Variants in MAP3K5 observed in about 807,000 individuals in gnomAD.
MAP3K5 encodes ASK-1.
MAP3K5 carries 56 observed loss-of-function variants against 158.7 expected under a neutral mutation model. The observed-to-expected ratio is 0.35, with a 90% CI of 0.28 to 0.44. MAP3K5 has a LOEUF of 0.44. Among genes scored for constraint, MAP3K5 ranks in the 20% least tolerant of loss-of-function variants. MAP3K5 has a pLI of 1.00. For synonymous variants in MAP3K5, 579 were observed against 601.7 expected (o/e 0.96, Z 0.55); for missense variants, 1,294 against 1,674.8 (o/e 0.77, Z 3.97).
chr6:136,614,166 G>T lies in MAP3K5; in HGVS notation c.2271C>A (p.Val757=). ...GAAAGAAATATCTCTTACCTCCAGG[G>T]ACCTGCTCCATGAAGATTTTAATGA... ...NGFIKIFMEQ[V]PGGSLSALLR... Residue 757 remains valine (V), a synonymous_variant, in exon 16 of 30, where the codon GTC becomes GTA. Coordinates refer to ENST00000359015, the MANE Select transcript of MAP3K5 (RefSeq NM_005923.4). 1 of 1,613,180 alleles carries T rather than the reference G, an allele frequency of 6.2e-7. No homozygotes were observed. The highest frequency in any genetic ancestry group is 8.5e-7 in the Non-Finnish European group (1 of 1,179,540).
At chr6:136,632,481 C>T (rs1777417737) in intron 14 of MAP3K5, among the ~76,000 whole-genome samples, 1 of 152,158 alleles carries the variant, frequency 6.6e-6, no homozygotes, top group Admixed American at 6.5e-5. Context: ...TGCGCCACTG[C>T]TCTCCCACCT....
chr6:136,671,521 C>T (rs969195355), intron 7 of MAP3K5, among the ~76,000 whole-genome samples: 5 of 152,120 alleles, frequency 3.3e-5, no homozygotes, highest in African/African-American at 4.8e-5. Context: ...ATTAGTATAC[C>T]ACTGCAGGAA....
chr6:136,639,717 T>A, intron 12 of MAP3K5, 79 bp from the exon 13 acceptor site: 1 of 681,360 alleles, frequency 1.5e-6, no homozygotes, highest in Non-Finnish European at 2.5e-6. Flanking sequence ...AGAAATGTTT[T>A]AAATTCAATC....
chr6:136,612,764 A>G (rs148503507), intron 17 of MAP3K5, among the ~76,000 whole-genome samples: 14 of 152,072 alleles, frequency 9.2e-5, no homozygotes, highest in Non-Finnish European at 1.9e-4. Flanking sequence ...AGTAGCTACT[A>G]TGGGCAAGGA....
chr6:136,747,335 T>C (rs1302421652), intron 1 of MAP3K5, among the ~76,000 whole-genome samples: 1 of 152,204 alleles, frequency 6.6e-6, no homozygotes, highest in Non-Finnish European at 1.5e-5. Flanking sequence ...GGTTACAACA[T>C]CTCTGGTCCC....
chr6:136,642,365 G>A (rs556285262), intron 12 of MAP3K5, among the ~76,000 whole-genome samples, 155 bp downstream of exon 12: 2 of 152,274 alleles, frequency 1.3e-5, no homozygotes, highest in African/African-American at 4.8e-5. Flanking sequence ...CTTCCTAAAG[G>A]AGATAGTGAC....
intron 2 of MAP3K5, among the ~76,000 whole-genome samples, chr6:136,706,345 A>G (rs763254610): frequency 3.3e-5 from 5 of 152,174 alleles, no homozygotes; most frequent in Admixed American, 6.5e-5. Flanking sequence ...GATCATACAA[A>G]TAATATAGCT....
At chr6:136,736,674 T>A (rs550327388) in intron 1 of MAP3K5, among the ~76,000 whole-genome samples, 74 of 152,230 alleles carry the variant, frequency 4.9e-4, no homozygotes, top group African/African-American at 1.8e-3. Flanking sequence ...GTAAAGGAAT[T>A]CGCATACTCT....
At chr6:136,765,267 T>C (rs557935108) in intron 1 of MAP3K5, among the ~76,000 whole-genome samples, 1 of 152,304 alleles carries the variant, frequency 6.6e-6, no homozygotes, top group South Asian at 2.1e-4. Context: ...CTCATTTAAC[T>C]TTCTCAATAA....
rs150366518 is a variant in MAP3K5 at position 136,784,021 on chromosome 6, T to G, written c.448+7689A>C. 6.8e-3 allele frequency among the ~76,000 whole-genome samples: 1,031 copies of G among 152,308 alleles called. 34 individuals are homozygous for G. The highest frequency in any genetic ancestry group is 0.062 in the Admixed American group (945 of 15,296). On this transcript the variant is annotated intron_variant, in intron 1 of 29. Coordinates refer to ENST00000359015, the MANE Select transcript of MAP3K5 (RefSeq NM_005923.4). ...AACAGGAAGTAGGGCACAGTTCTTA[T>G]AGCCACCAGAGGGGAACTGCCCTAT...
chr6:136,694,263 G>T lies in MAP3K5; in HGVS notation c.1130C>A (p.Pro377His). Reference protein sequence around the residue: ...DRAKALDIMIPMVQSEGQVAS... With the variant: ...DRAKALDIMIHMVQSEGQVAS... ...AACTTGTCCTTCGCTTTGCACCATGGGAATCATAATATCAAGAGCTTTTGC... is the reference window on the plus strand; with the variant it reads ...AACTTGTCCTTCGCTTTGCACCATGTGAATCATAATATCAAGAGCTTTTGC... Residue 377 changes from proline (P) to histidine (H), a missense_variant, in exon 7 of 30, where the codon CCC (proline) becomes CAC (histidine). Pro to His is a moderately conservative substitution (Grantham distance 77). Coordinates refer to ENST00000359015, the MANE Select transcript of MAP3K5 (RefSeq NM_005923.4). 6.2e-7 allele frequency: 1 copy of T among 1,613,208 alleles called. No homozygotes were observed.
chr6:136,685,155 A>G (rs1178801000), intron 7 of MAP3K5, among the ~76,000 whole-genome samples: 3 of 151,914 alleles, frequency 2.0e-5, no homozygotes, highest in Non-Finnish European at 4.4e-5. Context: ...TCTGCAAAAA[A>G]AAAAATACAA....
At chr6:136,696,098 G>T in intron 5 of MAP3K5, 41 bp from the exon 6 acceptor site, 1 of 1,203,012 alleles carries the variant, frequency 8.3e-7, no homozygotes, top group Non-Finnish European at 1.2e-6. Context: ...TAAACCATTA[G>T]GAGAAAATTC....
chr6:136,691,609 C>CA (rs540437204), intron 7 of MAP3K5, among the ~76,000 whole-genome samples: 1,461 of 117,716 alleles, frequency 0.012, 8 homozygotes, highest in Middle Eastern at 0.019. Flanking sequence ...AGATTCGTCT[C>CA]AAAAAAAAAA....
rs1253725511 is a variant in MAP3K5, at chr6:136,698,671, C to G, written c.624G>C (p.Gly208=). The change falls in exon 4 of 30, where the codon GGG becomes GGC. Residue 208 remains glycine, a synonymous_variant. Coordinates refer to ENST00000359015, the MANE Select transcript of MAP3K5 (RefSeq NM_005923.4). Reference sequence around the variant, plus strand: ...TCATGTAAGGAACAAAGGTGTAGTTCCCAGTGCACATCTGCGGAGAGAGGA... The same window carrying G: ...TCATGTAAGGAACAAAGGTGTAGTTGCCAGTGCACATCTGCGGAGAGAGGA... ...IICQKNTMCT[G]NYTFVPYMIT... is the part of the protein sequence containing the mutation. The G allele has an allele frequency of 6.2e-7, 1 of 1,612,812 alleles. No homozygotes were observed. The highest frequency in any genetic ancestry group is 8.5e-7 in the Non-Finnish European group (1 of 1,179,142).
intron 21 of MAP3K5, among the ~76,000 whole-genome samples, chr6:136,593,389 A>G (rs1554282232): frequency 6.6e-6 from 1 of 152,198 alleles, no homozygotes; most frequent in Non-Finnish European, 1.5e-5. Flanking sequence ...CAGATGGGGA[A>G]GAAAGAGTAG....
At chr6:136,680,514 A>ATTCTAAAGAAATGGTAG (rs1779887950) in intron 7 of MAP3K5, among the ~76,000 whole-genome samples, 1 of 152,154 alleles carries the variant, frequency 6.6e-6, no homozygotes, top group Admixed American at 6.5e-5. Flanking sequence ...CATATCTACC[A>ATTCTAAAGAAATGGTAG]TTTCTTTAGG....
chr6:136,637,608 A>G (rs1466491147), intron 13 of MAP3K5, among the ~76,000 whole-genome samples: 1 of 152,162 alleles, frequency 6.6e-6, no homozygotes, highest in Non-Finnish European at 1.5e-5. Flanking sequence ...AGAAATTTCT[A>G]ACCTAATGCC....
Position 136,791,943 on chromosome 6 carries a change from G to A in MAP3K5, c.215C>T (p.Ser72Phe). 2 of 1,611,488 alleles carry A rather than the reference G, an allele frequency of 1.2e-6. No homozygotes were observed. Among genetic ancestry groups the A allele is most frequent in the African/African-American group, 1.3e-5 (1 of 74,930 alleles). Residue 72 changes from serine (S) to phenylalanine (F), a missense_variant, in exon 1 of 30, where the codon TCC becomes TTC. Around this residue, in one of 5 missense-constraint regions of MAP3K5, gnomAD observed 690 missense variants for 870.5 expected, o/e 0.79. Coordinates refer to ENST00000359015, the MANE Select transcript of MAP3K5 (RefSeq NM_005923.4). ...CCGGCCTCGGGTGGCACTGCTCGAG[G>A]AGGTGGCCGCCGGACAACCGATGCC... is the stretch of plus-strand genomic sequence containing the variant. ...APGIGCPAAT[S>F]SSSATRGRGS... is the part of the protein sequence containing the mutation.
Sources: allele counts gnomAD v4.1 joint callset (sites outside exome capture counted in the v4.1 genomes callset), GRCh38; gene constraint gnomAD v4.1.1; regional missense constraint gnomAD v4.1.1; transcripts MANE v1.5; gene names NCBI Gene and HGNC (gene_info 2026-07-23, HGNC 2026-07-21).